Variants in LMF1 observed in about 807,000 individuals in gnomAD.
LMF1 encodes transmembrane protein 112.
In LMF1, 68 loss-of-function variants were observed where a neutral mutation model predicts 60.6. The ratio of observed to expected loss-of-function variants is 1.12; its 90% CI spans 0.92 to 1.37. The LOEUF is 1.37. LMF1 is among the 40% of genes most tolerant of loss of function. The pLI is 0.00. For synonymous variants in LMF1, 418 were observed against 324.7 expected (o/e 1.29, Z -3.09); for missense variants, 948 against 767.2 (o/e 1.24, Z -2.78).
intron 2 of LMF1, among the ~76,000 whole-genome samples, chr16:943,696 C>T (rs992714992): frequency 2.3e-5 from 3 of 132,072 alleles, no homozygotes; most frequent in Non-Finnish European, 3.0e-5. Flanking sequence ...CACTGCACTC[C>T]AGCCTGGGGG....
chr16:973,615 T>C (rs1272134923), upstream of LMF1, among the ~76,000 whole-genome samples: 1 of 152,224 alleles, frequency 6.6e-6, no homozygotes, highest in Non-Finnish European at 1.5e-5. Context: ...AACTAGGCGA[T>C]GGCTGCCCAG....
intron 1 of LMF1, among the ~76,000 whole-genome samples, chr16:978,216 T>C (rs1468417783): frequency 2.1e-5 from 3 of 142,578 alleles, no homozygotes; most frequent in South Asian, 2.3e-4. Context: ...ATCATACACA[T>C]ACACACCACA....
chr16:873,118 C>CTGAA (rs2069850588), intron 6 of LMF1: 1 of 152,318 alleles, frequency 6.6e-6, no homozygotes, highest in South Asian at 2.1e-4. Flanking sequence ...CAGCTGCGCC[C>CTGAA]CGTTCAGCTG....
intron 3 of LMF1, among the ~76,000 whole-genome samples, chr16:919,427 T>C (rs112585294): frequency 0.012 from 1,884 of 152,062 alleles, 22 homozygotes; most frequent in South Asian, 0.096. Flanking sequence ...TGCCCCACCT[T>C]CATCACTGCT....
intron 3 of LMF1, among the ~76,000 whole-genome samples, chr16:926,124 GTC>G (rs1395431581): frequency 6.6e-6 from 1 of 151,672 alleles, no homozygotes; most frequent in African/African-American, 2.4e-5. Flanking sequence ...ATCTGAATAT[GTC>G]TGTGTGTGCA....
intron 2 of LMF1, among the ~76,000 whole-genome samples, chr16:943,627 T>A (rs1323430283): frequency 6.9e-6 from 1 of 144,792 alleles, no homozygotes; most frequent in Non-Finnish European, 1.5e-5. Context: ...CTTGGGAGGC[T>A]GAAGCAGGAA....
rs374860045 is a variant in LMF1 at position 874,755 on chromosome 16, G to A, written c.898-3414C>T. Among the ~76,000 whole-genome samples the A allele has an allele frequency of 9.9e-5, 15 of 152,004 alleles. No homozygotes were observed. Among genetic ancestry groups the A allele is most frequent in the East Asian group, 9.7e-4 (5 of 5,138 alleles). ...AGGCGGCGCTCAGATGGGAACACAC[G>A]GAACCAGGACAGGCTCCAGGCAGGC... is the stretch of plus-strand genomic sequence containing the variant. On this transcript the variant is annotated intron_variant, in intron 6 of 10. Transcript: ENST00000262301. This position sits in a 1 kb window ranked among gnomAD's most constrained non-coding sequence, Gnocchi z 4.1.
chr16:964,092 G>C lies in LMF1; in HGVS notation c.193+6696C>G, dbSNP rs545843210. On this transcript the variant is annotated intron_variant, in intron 1 of 10. Transcript: ENST00000262301. The stretch of plus-strand genomic sequence containing the variant: ...ATACCGAGGAAATACCGTGTCGCCC[G>C]AGCAGCCAACAGCAGGCATGGCCGA... The C allele has an allele frequency of 8.8e-6, 4 of 455,896 alleles. No individual in the cohort carries two copies. In the Admixed American group the frequency reaches 9.4e-5, roughly 11 times the overall value. The allele number at this position is 455,896 out of a possible 1,614,324, so 28.2% of individuals were successfully genotyped here. A position where few individuals can be genotyped will look rare whatever the true frequency, so the allele number is the denominator to read the frequency against.
intron 9 of LMF1, 91 bp downstream of exon 9, chr16:869,792 C>T: frequency 7.4e-7 from 1 of 1,345,704 alleles, no homozygotes; most frequent in Admixed American, 2.0e-5. Flanking sequence ...CCACCAGCCC[C>T]TTCAGTGGGC....
intron 10 of LMF1, among the ~76,000 whole-genome samples, chr16:865,523 T>C (rs999957875): frequency 1.2e-4 from 18 of 152,180 alleles, no homozygotes; most frequent in Non-Finnish European, 5.9e-5. Context: ...TCATTTTTTA[T>C]TTTTGTAGAG....
At chr16:937,619 C>T (rs1297891483) in intron 2 of LMF1, among the ~76,000 whole-genome samples, 1 of 152,202 alleles carries the variant, frequency 6.6e-6, no homozygotes, top group Admixed American at 6.5e-5. Context: ...TGCACACGGC[C>T]CCAGCACAGG....
At chr16:957,749 T>C (rs910273870) in intron 1 of LMF1, among the ~76,000 whole-genome samples, 7 of 152,100 alleles carry the variant, frequency 4.6e-5, no homozygotes, top group Admixed American at 4.6e-4. Context: ...CAGAACTCAA[T>C]GGAATGGAAG....
At chr16:963,678 G>A (rs1197005062) in intron 1 of LMF1, among the ~76,000 whole-genome samples, 2 of 152,050 alleles carry the variant, frequency 1.3e-5, no homozygotes, top group Non-Finnish European at 2.9e-5. Flanking sequence ...GCTAGCTGAA[G>A]GGTGGATGTG....
At chr16:970,541 G>A (rs555233624) in intron 1 of LMF1, among the ~76,000 whole-genome samples, 14 of 152,184 alleles carry the variant, frequency 9.2e-5, no homozygotes, top group African/African-American at 1.9e-4. Flanking sequence ...GGGGCTGCGG[G>A]TGGAACCGGG....
chr16:880,966 C>T (rs969060703), intron 5 of LMF1, among the ~76,000 whole-genome samples: 30 of 152,210 alleles, frequency 2.0e-4, no homozygotes, highest in African/African-American at 7.0e-4. Context: ...TTGGGCCTGG[C>T]ACAGCCGCAG....
At chr16:862,924 GA>G (rs1293228024) in intron 10 of LMF1, among the ~76,000 whole-genome samples, 1 of 152,112 alleles carries the variant, frequency 6.6e-6, no homozygotes, top group Non-Finnish European at 1.5e-5. Context: ...TATTTTCTGG[GA>G]AATTAATCTT....
intron 10 of LMF1, among the ~76,000 whole-genome samples, chr16:868,258 C>T (rs2069669037): frequency 6.6e-6 from 1 of 152,126 alleles, no homozygotes; most frequent in African/African-American, 2.4e-5. Flanking sequence ...AGCGGGGCCC[C>T]ATCCCTGCCT....
chr16:867,764 AGCCCCTCT>A (rs1302344394), intron 10 of LMF1, among the ~76,000 whole-genome samples: 2 of 152,124 alleles, frequency 1.3e-5, no homozygotes, highest in African/African-American at 4.8e-5. Context: ...GGGACCCCAT[AGCCCCTCT>A]GCCCCAGCTC....
At chr16:971,115 A>T (rs2073043915), upstream of LMF1, 2 of 907,426 alleles carry the variant, frequency 2.2e-6, no homozygotes, top group Non-Finnish European at 3.0e-6. Flanking sequence ...CCCCGCTCAC[A>T]GTCCCGGAGG....
Sources: gnomAD v4.1 joint callset for allele counts (sites outside exome capture counted in the v4.1 genomes callset) on GRCh38, gnomAD v4.1.1 for gene constraint, Gnocchi (gnomAD v3.1) non-coding constraint, MANE v1.5 for transcripts, NCBI Gene and HGNC (gene_info 2026-07-23, HGNC 2026-07-21) for gene names.